The following CTNNA3 variants were observed in gnomAD, a reference collection of about 807,000 sequenced individuals.
The protein encoded by CTNNA3 is catenin alpha 3, also known as catenin alpha-3.
A neutral mutation model predicts 95.7 loss-of-function variants in CTNNA3; 76 were observed. The ratio of observed to expected loss-of-function variants is 0.79; its 90% CI spans 0.66 to 0.96. CTNNA3 has a LOEUF of 0.96. Among genes scored for constraint, CTNNA3 ranks in the 40% least tolerant of loss-of-function variants. The pLI is 0.00. For missense variants in CTNNA3, 1,191 were observed against 1,089.8 expected (o/e 1.09, Z -1.31); for synonymous variants, 431 against 374.4 (o/e 1.15, Z -1.74).
chr10:66,841,467 T>C (rs1257732495), intron 7 of CTNNA3, among the ~76,000 whole-genome samples: 2 of 152,210 alleles, frequency 1.3e-5, no homozygotes, highest in African/African-American at 4.8e-5. Context: ...AATGCTTATG[T>C]TAAATGAACT....
chr10:67,426,091 A>C (rs1473728322), intron 5 of CTNNA3, among the ~76,000 whole-genome samples: 2 of 152,156 alleles, frequency 1.3e-5, no homozygotes, highest in Non-Finnish European at 2.9e-5. Context: ...AAATGTTCAG[A>C]GATCAGCAAG....
At chr10:66,689,060 T>C (rs1847413700) in intron 9 of CTNNA3, among the ~76,000 whole-genome samples, 1 of 151,556 alleles carries the variant, frequency 6.6e-6, no homozygotes, top group African/African-American at 2.4e-5. Flanking sequence ...TCAATTATTA[T>C]TGAAATCTCC....
In CTNNA3 at chr10:65,920,576, T is replaced by C; in HGVS notation, c.2442A>G (p.Leu814=). 6.2e-7 allele frequency: 1 copy of C among 1,614,170 alleles called. No individual in the cohort carries two copies. The highest frequency in any genetic ancestry group is 8.5e-7 in the Non-Finnish European group (1 of 1,179,998). Residue 814 remains leucine (L), a synonymous_variant, in exon 18 of 18, where the codon TTA becomes TTG. Transcript: ENST00000433211. ...VTSLIQAAKN[L]MNAVVQTVKM... ...TCACTGTTTGCACTACAGCATTCAT[T>C]AAATTTTTGGCTGCTTGGATCAGGG...
chr10:67,007,090 C>T (rs10822955), intron 7 of CTNNA3, among the ~76,000 whole-genome samples: 79,680 of 152,020 alleles, frequency 0.52, 21,601 homozygotes, highest in Middle Eastern at 0.74. Flanking sequence ...GCCACCACAC[C>T]CAGCTTACAG....
chr10:66,757,943 T>C (rs910830711), intron 9 of CTNNA3, among the ~76,000 whole-genome samples: 9 of 152,276 alleles, frequency 5.9e-5, no homozygotes, highest in Middle Eastern at 3.4e-3. Context: ...ATTGTGAGCA[T>C]TGATATAATG....
At chr10:67,480,499 C>T (rs1158775707) in intron 5 of CTNNA3, among the ~76,000 whole-genome samples, 1 of 152,140 alleles carries the variant, frequency 6.6e-6, no homozygotes, top group African/African-American at 2.4e-5. Flanking sequence ...GCCGGTTTAC[C>T]AGAATGAGGA....
intron 7 of CTNNA3, among the ~76,000 whole-genome samples, chr10:67,104,238 G>A (rs575119649): frequency 8.6e-5 from 13 of 151,790 alleles, no homozygotes; most frequent in African/African-American, 1.9e-4. Flanking sequence ...ATCTACAGTC[G>A]CAAACTGTAG....
intron 11 of CTNNA3, among the ~76,000 whole-genome samples, chr10:66,414,621 G>A (rs2093132302): frequency 6.6e-6 from 1 of 152,100 alleles, no homozygotes; most frequent in Non-Finnish European, 1.5e-5. Flanking sequence ...TGTGACCTAA[G>A]CAACTACAGC....
At chr10:66,200,613 A>C (rs1564758247) in intron 13 of CTNNA3, among the ~76,000 whole-genome samples, 1 of 152,200 alleles carries the variant, frequency 6.6e-6, no homozygotes, top group Admixed American at 6.5e-5. Context: ...TTGCACTGCG[A>C]ATGTATCCGA....
chr10:66,472,282 G>T (rs191961005), intron 11 of CTNNA3, among the ~76,000 whole-genome samples: 4 of 151,932 alleles, frequency 2.6e-5, no homozygotes, highest in Non-Finnish European at 5.9e-5. Context: ...TTTCGTCCAG[G>T]TTTGTTGAGA....
At chr10:66,486,262 C>A (rs1324750315) in intron 11 of CTNNA3, among the ~76,000 whole-genome samples, 1 of 152,108 alleles carries the variant, frequency 6.6e-6, no homozygotes, top group African/African-American at 2.4e-5. Flanking sequence ...AGTGAAGAGA[C>A]AACTGTGGAA....
chr10:66,828,286 GT>G (rs1410470217), intron 7 of CTNNA3, among the ~76,000 whole-genome samples: 7 of 152,182 alleles, frequency 4.6e-5, no homozygotes, highest in Non-Finnish European at 1.5e-5. Context: ...TCAGCATAGG[GT>G]TTCAGAAGAA....
At chr10:66,952,648 T>C (rs1431372847) in intron 7 of CTNNA3, among the ~76,000 whole-genome samples, 5 of 152,070 alleles carry the variant, frequency 3.3e-5, no homozygotes, top group Non-Finnish European at 7.4e-5. Flanking sequence ...TAAGTTGACA[T>C]TGTCATAGTC....
intron 15 of CTNNA3, among the ~76,000 whole-genome samples, chr10:66,064,101 C>A (rs1375121069): frequency 6.6e-6 from 1 of 152,228 alleles, no homozygotes; most frequent in Non-Finnish European, 1.5e-5. Flanking sequence ...AGGAAACTTA[C>A]AATCATGTCA....
chr10:67,584,368 G>A lies in CTNNA3; in HGVS notation c.292+22489C>T, dbSNP rs1288253725. Among the ~76,000 whole-genome samples, 3 of 152,174 alleles carry A rather than the reference G, an allele frequency of 2.0e-5. No homozygotes were observed. In the East Asian group the frequency reaches 5.8e-4, roughly 29 times the overall value. ...TGTTTGCCTGAGTATCAACAGTGGA[G>A]GCTACAGAGCAGCAAATATGGCAGA... On this transcript the variant is annotated intron_variant, in intron 3 of 17. Coordinates refer to ENST00000433211, the MANE Select transcript of CTNNA3 (RefSeq NM_013266.4).
intron 10 of CTNNA3, among the ~76,000 whole-genome samples, chr10:66,597,541 TATATATATATA>T (rs1843759221): frequency 1.8e-4 from 23 of 130,476 alleles, no homozygotes; most frequent in East Asian, 6.5e-4. Flanking sequence ...TATATATATA[TATATATATATA>T]TATTTATTAA....
chr10:67,707,441 T>C (rs1841084493), intron 1 of CTNNA3, among the ~76,000 whole-genome samples: 1 of 152,140 alleles, frequency 6.6e-6, no homozygotes. Context: ...CACTTGCTGT[T>C]CCTTTGCCTG....
intron 1 of CTNNA3, among the ~76,000 whole-genome samples, chr10:67,704,348 G>A (rs1007232680): frequency 6.6e-6 from 1 of 152,144 alleles, no homozygotes; most frequent in Non-Finnish European, 1.5e-5. Flanking sequence ...AACAAAGCTG[G>A]AGGCATCATG....
chr10:66,903,985 A>G (rs960918168), intron 7 of CTNNA3, among the ~76,000 whole-genome samples: 3 of 152,238 alleles, frequency 2.0e-5, no homozygotes, highest in African/African-American at 7.2e-5. Context: ...AGTCGTCCTC[A>G]CCAAGCTACC....
Sources: gnomAD v4.1 joint callset for allele counts (sites outside exome capture counted in the v4.1 genomes callset) on GRCh38, gnomAD v4.1.1 for gene constraint, MANE v1.5 for transcripts, NCBI Gene and HGNC (gene_info 2026-07-23, HGNC 2026-07-21) for gene names.